The following TUSC3 variants were observed in gnomAD, a reference collection of about 807,000 sequenced individuals.
TUSC3 encodes dolichyl-diphosphooligosaccharide--protein glycosyltransferase subunit TUSC3.
In TUSC3, 45 loss-of-function variants were observed where a neutral mutation model predicts 44.8. The observed-to-expected ratio is 1.00, with a 90% CI of 0.79 to 1.29. The LOEUF (loss-of-function observed/expected upper bound fraction) is 1.29, where lower values mean the gene tolerates loss of function less well. Ranked by LOEUF, TUSC3 falls within the 50% of genes most tolerant of loss-of-function variation. The probability of loss-of-function intolerance (pLI) is 0.00; values close to 1 mark genes in which losing one functional copy is unlikely to be tolerated. For synonymous variants in TUSC3, 212 were observed against 152.9 expected (o/e 1.39, Z -2.85); for missense variants, 519 against 437.9 (o/e 1.19, Z -1.65).
intron 2 of TUSC3, among the ~76,000 whole-genome samples, chr8:15,519,161 A>T (rs868575463): frequency 2.3e-4 from 35 of 152,302 alleles, no homozygotes; most frequent in African/African-American, 7.7e-4. Flanking sequence ...TTGAAGGATG[A>T]TGGAGAAGTC....
chr8:15,825,906 T>A, the TUSC3 span, among the ~76,000 whole-genome samples: 14 of 130,176 alleles, frequency 1.1e-4, no homozygotes, highest in Middle Eastern at 8.5e-3. Flanking sequence ...TTTTTTTTTT[T>A]AACTCTTCAA....
At chr8:15,784,191 A>G in the TUSC3 span, among the ~76,000 whole-genome samples, 1 of 152,166 alleles carries the variant, frequency 6.6e-6, no homozygotes, top group Non-Finnish European at 1.5e-5. Context: ...AAACAATGAA[A>G]AAGTAAGTGA....
At position 15,764,397 on chromosome 8, in the gene TUSC3, A is replaced by G. The variant is rs1443090325; in HGVS notation, c.*241A>G. The G allele has an allele frequency of 3.3e-6, 2 of 609,158 alleles. No individual in the cohort carries two copies. The highest frequency in any genetic ancestry group is 5.8e-6 in the Non-Finnish European group (2 of 346,890). 37.7% of individuals were successfully genotyped at this position (609,158 alleles called of 1,614,324 possible). A position where few individuals can be genotyped will look rare whatever the true frequency, so the allele number is the denominator to read the frequency against. On this transcript the variant is annotated 3_prime_UTR_variant, in exon 11 of 11. Transcript: ENST00000503731. ...ACAGAAATCAATGGTAGCATTTAGT[A>G]ATCTACAAAGGAAATATCAAAGTGT...
intron 6 of TUSC3, among the ~76,000 whole-genome samples, chr8:15,693,626 G>C (rs1326525777): frequency 2.6e-5 from 4 of 151,250 alleles, no homozygotes; most frequent in African/African-American, 7.3e-5. Context: ...ATGTGTCTTG[G>C]GATGGTCATC....
chr8:15,624,552 A>G (rs12548857), intron 2 of TUSC3, among the ~76,000 whole-genome samples: 28,167 of 152,142 alleles, frequency 0.19, 2,595 homozygotes, highest in South Asian at 0.26. Flanking sequence ...GCATTTCCCT[A>G]TGACTAATTG....
intron 1 of TUSC3, among the ~76,000 whole-genome samples, chr8:15,576,175 G>C (rs1311641776): frequency 2.7e-5 from 4 of 150,208 alleles, no homozygotes; most frequent in Admixed American, 2.0e-4. Context: ...TTGTTTATGA[G>C]AGACTGAATT....
At chr8:15,531,602 C>T (rs1173307108) in intron 2 of TUSC3, among the ~76,000 whole-genome samples, 1 of 152,202 alleles carries the variant, frequency 6.6e-6, no homozygotes, top group Non-Finnish European at 1.5e-5. Flanking sequence ...GCCTTGGTCT[C>T]TTCTTCTGCC....
At chr8:15,681,557 CTCTTTTTTTTTT>C (rs1226367403) in intron 6 of TUSC3, among the ~76,000 whole-genome samples, 1 of 43,884 alleles carries the variant, frequency 2.3e-5, no homozygotes, top group Non-Finnish European at 5.5e-5. Context: ...TGGATCTTTT[CTCTTTTTTTTTT>C]TCTTTATTAG....
chr8:15,544,678 G>A (rs1400699573), intron 1 of TUSC3, among the ~76,000 whole-genome samples: 1 of 151,798 alleles, frequency 6.6e-6, no homozygotes, highest in Non-Finnish European at 1.5e-5. Context: ...TGATAAAAGG[G>A]GAGAGGAGGG....
chr8:15,505,617 A>T (rs1277356014), intron 2 of TUSC3, among the ~76,000 whole-genome samples: 2 of 152,210 alleles, frequency 1.3e-5, no homozygotes, highest in Non-Finnish European at 2.9e-5. Context: ...TGAAAATAGA[A>T]ATACCCAGGC....
At chr8:15,685,730 C>T (rs536876866) in intron 6 of TUSC3, among the ~76,000 whole-genome samples, 1 of 152,168 alleles carries the variant, frequency 6.6e-6, no homozygotes, top group South Asian at 2.1e-4. Context: ...ATATAACAGA[C>T]CTATATGAGC....
intron 8 of TUSC3, among the ~76,000 whole-genome samples, chr8:15,747,429 CTTATATAT>C (rs1044181755): frequency 1.3e-5 from 2 of 150,914 alleles, no homozygotes; most frequent in African/African-American, 2.4e-5. Flanking sequence ...CTAATTTCTA[CTTATATAT>C]TTAAATAAAT....
intron 2 of TUSC3, among the ~76,000 whole-genome samples, chr8:15,625,152 A>T (rs1340540090): frequency 6.6e-6 from 1 of 152,132 alleles, no homozygotes; most frequent in Non-Finnish European, 1.5e-5. Flanking sequence ...ACATTGATTG[A>T]TTTTCAAATG....
the TUSC3 span, among the ~76,000 whole-genome samples, chr8:15,773,349 A>G: frequency 6.6e-6 from 1 of 152,206 alleles, no homozygotes; most frequent in Admixed American, 6.5e-5. Context: ...AAAGGAAATT[A>G]AGACAATTTC....
the TUSC3 span, among the ~76,000 whole-genome samples, chr8:15,800,295 A>C: frequency 1.3e-5 from 2 of 152,186 alleles, no homozygotes; most frequent in South Asian, 4.1e-4. Context: ...CAGGCTGGGC[A>C]TGGTAGCTCT....
At chr8:15,435,484 G>C (rs1799934161) in intron 1 of TUSC3, among the ~76,000 whole-genome samples, 1 of 152,086 alleles carries the variant, frequency 6.6e-6, no homozygotes. Flanking sequence ...CAATAACATT[G>C]ATGATGCATG....
At chr8:15,443,807 A>G (rs181719081) in intron 1 of TUSC3, among the ~76,000 whole-genome samples, 6 of 152,252 alleles carry the variant, frequency 3.9e-5, no homozygotes, top group Admixed American at 2.0e-4. Flanking sequence ...TGCTTAAGAT[A>G]CTTTGCAGAC....
chr8:15,629,959 T>A (rs1036197283), intron 2 of TUSC3, among the ~76,000 whole-genome samples: 10 of 152,106 alleles, frequency 6.6e-5, no homozygotes, highest in Admixed American at 2.0e-4. Flanking sequence ...CAAATAAAGT[T>A]GTTAATTAAG....
chr8:15,435,218 G>C (rs1413282505), intron 1 of TUSC3, among the ~76,000 whole-genome samples: 2 of 151,684 alleles, frequency 1.3e-5, no homozygotes, highest in Admixed American at 1.3e-4. Context: ...ACTTTTTAAT[G>C]ATCGCCATTC....
Sources: gnomAD v4.1 joint callset for allele counts (sites outside exome capture counted in the v4.1 genomes callset) on GRCh38, gnomAD v4.1.1 for gene constraint, MANE v1.5 for transcripts, NCBI Gene and HGNC (gene_info 2026-07-23, HGNC 2026-07-21) for gene names.